The following MAPK14 variants were observed in gnomAD, a reference collection of about 807,000 sequenced individuals.
The protein encoded by MAPK14 is mitogen-activated protein kinase 14.
Under a neutral mutation model 49.6 loss-of-function variants are expected in MAPK14, and 16 were observed. That is an observed-to-expected ratio of 0.32 (90% confidence interval 0.22 to 0.49). The LOEUF is 0.49. MAPK14 is among the 20% of genes least tolerant of loss of function. The pLI is 0.99. For missense variants in MAPK14, 200 were observed against 441.2 expected (o/e 0.45, Z 4.90); for synonymous variants, 142 against 158.0 (o/e 0.90, Z 0.76).
chr6:36,093,498 T>C (rs759170132), intron 8 of MAPK14, among the ~76,000 whole-genome samples: 3 of 152,026 alleles, frequency 2.0e-5, no homozygotes, highest in Non-Finnish European at 4.4e-5. Flanking sequence ...GGCAGGCGGA[T>C]CATGAGGACA....
intron 9 of MAPK14, among the ~76,000 whole-genome samples, chr6:36,099,337 T>C (rs1765554947): frequency 6.6e-6 from 1 of 152,206 alleles, no homozygotes; most frequent in African/African-American, 2.4e-5. Flanking sequence ...TGTATTAACA[T>C]TGATGGAACA....
chr6:36,111,686 G>A (rs1765975534), downstream of MAPK14, among the ~76,000 whole-genome samples: 1 of 152,204 alleles, frequency 6.6e-6, no homozygotes, highest in Middle Eastern at 3.4e-3. Context: ...TCCTTTCTTG[G>A]TGTCCTTGGA....
intron 1 of MAPK14, among the ~76,000 whole-genome samples, chr6:36,045,808 CAA>C (rs371920281): frequency 2.0e-3 from 92 of 46,402 alleles, no homozygotes; most frequent in African/African-American, 5.8e-3. Context: ...GACTCTGTCT[CAA>C]AAAAAAAAAA....
At chr6:36,113,708 C>T (rs1314121316), downstream of MAPK14, among the ~76,000 whole-genome samples, 3 of 152,128 alleles carry the variant, frequency 2.0e-5, no homozygotes, top group South Asian at 4.1e-4. Context: ...TTTTTTTACA[C>T]TGAGAGTTTT....
intron 3 of MAPK14, among the ~76,000 whole-genome samples, chr6:36,067,598 C>T (rs552957339): frequency 6.6e-6 from 1 of 152,232 alleles, no homozygotes; most frequent in South Asian, 2.1e-4. Context: ...AATATTGAGT[C>T]TAGTTTCACT....
chr6:36,042,983 G>A (rs1407165256), intron 1 of MAPK14, among the ~76,000 whole-genome samples: 1 of 151,974 alleles, frequency 6.6e-6, no homozygotes, highest in African/African-American at 2.4e-5. Context: ...AATTAGCCAG[G>A]CGTCGTGGTG....
chr6:36,036,564 T>C (rs1280986602), intron 1 of MAPK14, among the ~76,000 whole-genome samples: 1 of 152,112 alleles, frequency 6.6e-6, no homozygotes, highest in Non-Finnish European at 1.5e-5. Flanking sequence ...GTCTTATTTT[T>C]AGAAATTGCC....
Position 36,028,735 on chromosome 6 carries a change from C to T in MAPK14, c.116+462C>T, listed in dbSNP as rs1762411866. 6.6e-6 allele frequency among the ~76,000 whole-genome samples: 1 copy of T among 151,834 alleles called. No individual in the cohort carries two copies. Among genetic ancestry groups the T allele is most frequent in the African/African-American group, 2.4e-5 (1 of 41,260 alleles). On this transcript the variant is annotated intron_variant, in intron 1 of 11. Coordinates refer to ENST00000229794, the MANE Select transcript of MAPK14 (RefSeq NM_139012.3). The surrounding 1 kb of genome is among the most constrained non-coding windows in gnomAD (Gnocchi z 5.1). The stretch of plus-strand genomic sequence containing the variant: ...GGAGAAGCAGAAGGGCACAGCCCAA[C>T]CCGAAGACTGCGGTCATCTGAACAA...
intron 1 of MAPK14, among the ~76,000 whole-genome samples, chr6:36,041,339 C>G (rs1460792306): frequency 6.6e-6 from 1 of 151,674 alleles, no homozygotes; most frequent in Non-Finnish European, 1.5e-5. Context: ...TCTTTCTGCT[C>G]CATGATCCAT....
At chr6:36,075,523 A>G (rs1327940434) in intron 6 of MAPK14, among the ~76,000 whole-genome samples, 2 of 152,136 alleles carry the variant, frequency 1.3e-5, no homozygotes. Context: ...CCACCTGCTG[A>G]TGGACATTTG....
chr6:36,059,205 TAA>T (rs976027721), intron 2 of MAPK14, 82 bp from the exon 3 acceptor site: 1 of 805,028 alleles, frequency 1.2e-6, no homozygotes, highest in Non-Finnish European at 1.9e-6. Flanking sequence ...CCTGACTCTT[TAA>T]AAAAAAAGAA....
chr6:36,086,846 AAACTT>A (rs1765005693), intron 8 of MAPK14, among the ~76,000 whole-genome samples: 1 of 152,216 alleles, frequency 6.6e-6, no homozygotes, highest in Admixed American at 6.5e-5. Context: ...CAGAAAAAGA[AAACTT>A]AAGGCCAATA....
chr6:36,096,283 A>G, intron 9 of MAPK14: 1 of 462,442 alleles, frequency 2.2e-6, no homozygotes, highest in Admixed American at 3.9e-5. Context: ...CTATCTGGGT[A>G]CACACTAAGA....
chr6:36,102,974 T>C (rs936930718), intron 10 of MAPK14, among the ~76,000 whole-genome samples: 1 of 152,204 alleles, frequency 6.6e-6, no homozygotes, highest in African/African-American at 2.4e-5. Flanking sequence ...TGTAACTTGC[T>C]CACAACTGCT....
chr6:36,047,146 A>T (rs1262820065), intron 1 of MAPK14, among the ~76,000 whole-genome samples: 1 of 152,196 alleles, frequency 6.6e-6, no homozygotes, highest in Non-Finnish European at 1.5e-5. Context: ...AGTGGAAAAG[A>T]AGAGAACCAC....
intron 9 of MAPK14, chr6:36,097,139 C>T (rs1159627943): frequency 2.0e-5 from 3 of 152,194 alleles, no homozygotes; most frequent in Non-Finnish European, 2.9e-5. Flanking sequence ...GGTATGTATC[C>T]GGTACATTTC....
chr6:36,118,044 T>TA, the MAPK14 span, among the ~76,000 whole-genome samples: 11 of 152,250 alleles, frequency 7.2e-5, no homozygotes, highest in African/African-American at 2.7e-4. Flanking sequence ...TAAGAAGAGA[T>TA]ACGTGTTAGA....
At chr6:36,045,808 C>CAAAAAAAA (rs371920281) in intron 1 of MAPK14, among the ~76,000 whole-genome samples, 444 of 44,890 alleles carry the variant, frequency 9.9e-3, no homozygotes, top group Non-Finnish European at 0.015. Flanking sequence ...GACTCTGTCT[C>CAAAAAAAA]AAAAAAAAAA....
At chr6:36,073,934 G>A (rs999579369) in intron 5 of MAPK14, 115 bp from the exon 6 acceptor site, 1 of 922,524 alleles carries the variant, frequency 1.1e-6, no homozygotes, top group African/African-American at 1.6e-5. Flanking sequence ...GATGGAGATT[G>A]TCTTTTGATA....
Sources: gnomAD v4.1 joint callset for allele counts (sites outside exome capture counted in the v4.1 genomes callset) on GRCh38, gnomAD v4.1.1 for gene constraint, Gnocchi (gnomAD v3.1) non-coding constraint, MANE v1.5 for transcripts, NCBI Gene and HGNC (gene_info 2026-07-23, HGNC 2026-07-21) for gene names.